Variants in RBFOX1 observed in about 807,000 individuals in gnomAD.
RBFOX1 encodes RNA binding protein fox-1 homolog 1.
In RBFOX1, 8 loss-of-function variants were observed where a neutral mutation model predicts 57.7. The observed-to-expected ratio is 0.14, with a 90% CI of 0.08 to 0.25. The LOEUF (loss-of-function observed/expected upper bound fraction) is 0.25. Ranked by LOEUF, RBFOX1 falls within the 10% of genes least tolerant of loss-of-function variation. The pLI is 1.00. For missense variants in RBFOX1, 611 were observed against 548.5 expected, an observed-to-expected ratio of 1.11 and a Z score of -1.14; for synonymous variants, 326 against 222.4, an observed-to-expected ratio of 1.47 and a Z score of -4.15.
chr16:6,354,076 C>A (rs2086862613), intron 2 of RBFOX1, among the ~76,000 whole-genome samples: 1 of 151,940 alleles, frequency 6.6e-6, no homozygotes, highest in Non-Finnish European at 1.5e-5. Flanking sequence ...AAAAATTAGC[C>A]AGGCCTGGTG....
chr16:5,760,710 T>C (rs559571753), intron 3 of RBFOX1, among the ~76,000 whole-genome samples: 9 of 152,260 alleles, frequency 5.9e-5, no homozygotes, highest in Admixed American at 3.3e-4. Flanking sequence ...CAAAAGTAAT[T>C]GTGGGGTTTT....
At position 6,043,529 on chromosome 16, in the gene RBFOX1, ATGC is replaced by A. The variant is rs144606990; in HGVS notation, c.-127+23540_-127+23542del. On this transcript the variant is annotated intron_variant, in intron 1 of 15. Transcript: ENST00000550418. ...TCTAATGATTTCTATTTGAATGCTA[ATGC>A]TGAAGTCAGTTGTGCCTAAACTCAA... Among the ~76,000 whole-genome samples, 18 of 152,308 alleles carry A rather than the reference ATGC, an allele frequency of 1.2e-4. No homozygotes were observed. The Middle Eastern group carries it at 0.014, about 115-fold the overall frequency.
chr16:7,601,794 G>C (rs1018752962), intron 9 of RBFOX1, among the ~76,000 whole-genome samples: 1 of 152,120 alleles, frequency 6.6e-6, no homozygotes, highest in Non-Finnish European at 1.5e-5. Context: ...TCAACTTAAA[G>C]TTACCATTTC....
intron 3 of RBFOX1, among the ~76,000 whole-genome samples, chr16:5,723,599 T>A (rs964106278): frequency 1.2e-4 from 17 of 143,132 alleles, no homozygotes; most frequent in Non-Finnish European, 1.8e-4. Context: ...AAACAGTGGT[T>A]GTCTCAGGCT....
chr16:6,774,331 A>C (rs1367567932), intron 3 of RBFOX1, among the ~76,000 whole-genome samples: 7 of 152,156 alleles, frequency 4.6e-5, no homozygotes, highest in Non-Finnish European at 8.8e-5. Context: ...GAATGCAGCC[A>C]TTAGGGCTGG....
chr16:7,693,433 T>TTTCTTC, intron 14 of RBFOX1: 2 of 1,278,600 alleles, frequency 1.6e-6, no homozygotes, highest in Non-Finnish European at 2.2e-6. Context: ...TTTTTTTTTT[T>TTTCTTC]TCTTCTTCAC....
intron 14 of RBFOX1, among the ~76,000 whole-genome samples, chr16:7,677,655 G>C (rs2073740458): frequency 6.6e-6 from 1 of 152,164 alleles, no homozygotes; most frequent in African/African-American, 2.4e-5. Context: ...GCAACTCCTT[G>C]GCTCTGTTTT....
At chr16:5,447,404 C>CTCTG (rs2068280477) in intron 1 of RBFOX1, among the ~76,000 whole-genome samples, 1 of 151,824 alleles carries the variant, frequency 6.6e-6, no homozygotes, top group Non-Finnish European at 1.5e-5. Flanking sequence ...CTCTCTCTCT[C>CTCTG]TCTCTCGACG....
chr16:6,840,276 C>A (rs1409952042), intron 3 of RBFOX1, among the ~76,000 whole-genome samples: 1 of 152,150 alleles, frequency 6.6e-6, no homozygotes, highest in Non-Finnish European at 1.5e-5. Flanking sequence ...CACTGAAAGA[C>A]CTTCCGAAAA....
intron 1 of RBFOX1, among the ~76,000 whole-genome samples, chr16:6,265,464 G>T (rs773745700): frequency 6.6e-6 from 1 of 152,110 alleles, no homozygotes; most frequent in Non-Finnish European, 1.5e-5. Context: ...GTTTCACCAT[G>T]TTGGCCAGGC....
intron 4 of RBFOX1, among the ~76,000 whole-genome samples, chr16:7,293,179 G>A (rs2095827217): frequency 6.6e-6 from 1 of 152,136 alleles, no homozygotes; most frequent in African/African-American, 2.4e-5. Context: ...GAAAGAAATT[G>A]TGTCTGTGCT....
rs962761363 is a variant in RBFOX1 at position 7,429,347 on chromosome 16, C to G, written c.28-88800C>G. ...CATCCTGCCTCTCCTTCCCTCACCCCCTTTTCATTCATCAGCTGTTGATTT... is the reference window on the plus strand; with the variant it reads ...CATCCTGCCTCTCCTTCCCTCACCCGCTTTTCATTCATCAGCTGTTGATTT... On this transcript the variant is annotated intron_variant, in intron 4 of 15. Transcript: ENST00000550418. 3.9e-5 allele frequency among the ~76,000 whole-genome samples: 6 copies of G among 152,200 alleles called. 1 individual carries two copies. Among genetic ancestry groups the G allele is most frequent in the Non-Finnish European group, 7.4e-5 (5 of 68,024 alleles).
At chr16:7,096,376 C>T (rs1478703) in intron 4 of RBFOX1, among the ~76,000 whole-genome samples, 139,228 of 152,168 alleles carry the variant, frequency 0.91, 63,818 homozygotes, top group East Asian at 1. Flanking sequence ...ATTTCTCGGA[C>T]CTATTTTTCT....
chr16:7,022,770 A>G (rs1261731971), intron 3 of RBFOX1, among the ~76,000 whole-genome samples: 3 of 152,206 alleles, frequency 2.0e-5, no homozygotes, highest in Non-Finnish European at 4.4e-5. Context: ...TGTTTGGTAT[A>G]TTAGCTCATT....
chr16:7,146,311 A>G (rs557872176), intron 4 of RBFOX1, among the ~76,000 whole-genome samples: 6 of 152,272 alleles, frequency 3.9e-5, no homozygotes, highest in African/African-American at 9.6e-5. Context: ...CTTGCTTGCA[A>G]TATATGTTGC....
chr16:6,920,327 C>G (rs768298400), intron 3 of RBFOX1, among the ~76,000 whole-genome samples: 15 of 152,170 alleles, frequency 9.9e-5, no homozygotes, highest in Admixed American at 3.3e-4. Context: ...TAGTTCTGCT[C>G]TTAATGAAGT....
chr16:6,383,381 C>A (rs999464794), intron 2 of RBFOX1, among the ~76,000 whole-genome samples: 1 of 152,194 alleles, frequency 6.6e-6, no homozygotes, highest in Non-Finnish European at 1.5e-5. Context: ...TCATTTCTTT[C>A]TGTATGGAGT....
chr16:7,597,045 T>G (rs1018516838), intron 8 of RBFOX1, among the ~76,000 whole-genome samples: 1 of 152,244 alleles, frequency 6.6e-6, no homozygotes, highest in Non-Finnish European at 1.5e-5. Context: ...TATTTCTTGT[T>G]TCTGTGTTAC....
At chr16:5,646,432 C>T (rs1035039178) in intron 3 of RBFOX1, among the ~76,000 whole-genome samples, 3 of 152,128 alleles carry the variant, frequency 2.0e-5, no homozygotes, top group Non-Finnish European at 4.4e-5. Flanking sequence ...AGCCACTGTG[C>T]ACAACCTCTG....
Sources: gnomAD v4.1 joint callset for allele counts (sites outside exome capture counted in the v4.1 genomes callset) on GRCh38, gnomAD v4.1.1 for gene constraint, MANE v1.5 for transcripts, NCBI Gene and HGNC (gene_info 2026-07-23, HGNC 2026-07-21) for gene names.